The following LAMA5 variants were observed in gnomAD, a reference collection of about 807,000 sequenced individuals.
LAMA5 encodes laminin subunit alpha-5.
LAMA5 carries 260 observed loss-of-function variants against 433.4 expected under a neutral mutation model. That is an observed-to-expected ratio of 0.60 (90% CI 0.54 to 0.66). The LOEUF (loss-of-function observed/expected upper bound fraction) is 0.66. Ranked by LOEUF, LAMA5 falls within the 30% of genes least tolerant of loss-of-function variation. The pLI, the probability that LAMA5 is intolerant of heterozygous loss-of-function variation, is 0.00. For missense variants in LAMA5, 5,378 were observed against 5,258.5 expected (o/e 1.02, Z -0.70); for synonymous variants, 2,620 against 2,226.6 (o/e 1.18, Z -4.97).
In LAMA5 at chr20:62,336,881, G is replaced by C. The variant is rs543942985; in HGVS notation, c.2165-95C>G. ...CCAGCCAGAACCCACGGTCCCACAG[G>C]AGCTGAGGACCAGCACAGGTGCCTC... On this transcript the variant is annotated intron_variant, in intron 16 of 79. Coordinates refer to ENST00000252999, the MANE Select transcript of LAMA5 (RefSeq NM_005560.6). 7.9e-6 allele frequency: 10 copies of C among 1,260,474 alleles called. No individual in the cohort carries two copies. The African/African-American group carries it at 1.5e-4, about 18-fold the overall frequency. 78.1% of individuals were successfully genotyped at this position (1,260,474 alleles called of 1,614,324 possible).
At chr20:62,338,756 G>C (rs1982119389) in intron 11 of LAMA5, 148 bp from the exon 12 acceptor site, 7 of 974,032 alleles carry the variant, frequency 7.2e-6, no homozygotes, top group Non-Finnish European at 1.0e-5. Flanking sequence ...ATCCCAGCAA[G>C]GGCTGGGTGC....
Position 62,327,287 on chromosome 20 carries a change from GGGCACAGCCTCA to G in LAMA5, c.5046_5057del (p.Val1685_Ala1688del), listed in dbSNP as rs1568929971. 1.9e-6 allele frequency: 3 copies of G among 1,573,758 alleles called. No homozygotes were observed. Among genetic ancestry groups the G allele is most frequent in the South Asian group, 2.3e-5 (2 of 85,788 alleles). ...GCCAGTACAGCTCGGGGAAAGCCTC[GGGCACAGCCTCA>G]GGCACGTGCCGCAGGTCTGCACGGA... On this transcript the variant is annotated inframe_deletion, in exon 38 of 80. Transcript: ENST00000252999.
chr20:62,334,997 TG>T, intron 20 of LAMA5, 23 bp downstream of exon 20: 1 of 1,603,398 alleles, frequency 6.2e-7, no homozygotes, highest in Non-Finnish European at 8.5e-7. Context: ...GGCTGTGGTC[TG>T]GGACGAGCGA....
rs1986998351 is a variant in LAMA5, at chr20:62,316,904, T to C, written c.7631A>G (p.Gln2544Arg). The change falls in exon 56 of 80, where the codon CAG (glutamine) becomes CGG (arginine). Residue 2544 changes from glutamine to arginine, a missense_variant. By Grantham distance (43) the Gln-to-Arg change is conservative (BLOSUM62 1). Coordinates refer to ENST00000252999, the MANE Select transcript of LAMA5 (RefSeq NM_005560.6). ...CACCGCCCACGTGTGGTCCGCCTGC[T>C]GCAGGGCCTGGCCAGCAGCATCCTC... Reference protein sequence around the residue: ...AAEDAAGQALQQADHTWATVV... With the variant: ...AAEDAAGQALRQADHTWATVV... The C allele has an allele frequency of 2.6e-6, 4 of 1,540,202 alleles. No homozygotes were observed. The highest frequency in any genetic ancestry group is 2.0e-5 in the Admixed American group (1 of 50,220).
chr20:62,311,329 G>GCAGGGGCCGCCCACA, intron 72 of LAMA5, 22 bp from the exon 73 acceptor site: 1 of 1,536,540 alleles, frequency 6.5e-7, no homozygotes, highest in Non-Finnish European at 8.7e-7. Flanking sequence ...GATGGTGAAT[G>GCAGGGGCCGCCCACA]CAGGGGCCGC....
Position 62,318,574 on chromosome 20 carries a change from C to G in LAMA5, c.7119G>C (p.Arg2373=), listed in dbSNP as rs1274947664. ...NQALATQTRD[R]LAQHEAGLMD... Reference sequence around the variant, plus strand: ...TGAGGCCGGCCTCGTGCTGGGCCAGCCGGTCGCGGGTTTGTGTGGCCAGTG... The same window carrying G: ...TGAGGCCGGCCTCGTGCTGGGCCAGGCGGTCGCGGGTTTGTGTGGCCAGTG... The change falls in exon 53 of 80, where the codon CGG becomes CGC. Residue 2373 remains arginine, a synonymous_variant. Coordinates refer to ENST00000252999, the MANE Select transcript of LAMA5 (RefSeq NM_005560.6). 6.2e-7 allele frequency: 1 copy of G among 1,610,570 alleles called. No homozygotes were observed. Among genetic ancestry groups the G allele is most frequent in the Admixed American group, 1.7e-5 (1 of 59,910 alleles).
rs764207903 is a variant in LAMA5 at position 62,314,990 on chromosome 20, C to A, written c.8047+38G>T. On this transcript the variant is annotated intron_variant, in intron 59 of 79. Coordinates refer to ENST00000252999, the MANE Select transcript of LAMA5 (RefSeq NM_005560.6). The stretch of plus-strand genomic sequence containing the variant: ...TGAGACCTTTGCCCCCCACCGTGCC[C>A]GCCTCCATCAGGGGCACCGCGAGGG... 8 of 1,576,966 alleles carry A rather than the reference C, an allele frequency of 5.1e-6. No homozygotes were observed. In the South Asian group the frequency reaches 8.0e-5, roughly 16 times the overall value.
At chr20:62,312,147 G>A in intron 69 of LAMA5, 26 bp downstream of exon 69, 1 of 1,609,894 alleles carries the variant, frequency 6.2e-7, no homozygotes, top group Non-Finnish European at 8.5e-7. Flanking sequence ...GCGGGGTGGG[G>A]AATGGGCACG....
intron 23 of LAMA5, 85 bp from the exon 24 acceptor site, chr20:62,333,791 G>T: frequency 7.9e-7 from 1 of 1,262,778 alleles, no homozygotes. Context: ...GGGATAGGCT[G>T]GTCCTACCAC....
chr20:62,315,061 G>C lies in LAMA5; in HGVS notation c.8014C>G (p.Leu2672Val), dbSNP rs752011819. 5 of 1,600,150 alleles carry C rather than the reference G, an allele frequency of 3.1e-6. No homozygotes were observed. The highest frequency in any genetic ancestry group is 4.2e-6 in the Non-Finnish European group (5 of 1,178,872). ...CCTGCGTCAAGCACTGCCTGGCCCA[G>C]GTCCTGGCCCCGCAGGCCCTCGTAC... The part of the protein sequence containing the change: ...GQYEGLRGQD[L>V]GQAVLDAGHS... Residue 2672 changes from leucine (L) to valine (V), a missense_variant, in exon 59 of 80, where the codon CTG (leucine) becomes GTG (valine). Coordinates refer to ENST00000252999, the MANE Select transcript of LAMA5 (RefSeq NM_005560.6).
chr20:62,324,663 G>A lies in LAMA5; in HGVS notation c.5530-109C>T. 1.4e-6 allele frequency: 1 copy of A among 721,422 alleles called. No individual in the cohort carries two copies. Among genetic ancestry groups the A allele is most frequent in the Non-Finnish European group, 2.5e-6 (1 of 405,762 alleles). 44.7% of individuals were successfully genotyped at this position (721,422 alleles called of 1,614,324 possible). On this transcript the variant is annotated intron_variant, in intron 41 of 79. Transcript: ENST00000252999. The surrounding 1 kb of genome is among the most constrained non-coding windows in gnomAD (Gnocchi z 4.4). ...GGATCCTGCAGGCACGAGGCACTGG[G>A]AACCCGTGGAGCATGGTCACCGCTG...
At chr20:62,334,975 G>C (rs376881112) in intron 20 of LAMA5, 46 bp downstream of exon 20, 1 of 1,563,068 alleles carries the variant, frequency 6.4e-7, no homozygotes, top group South Asian at 1.1e-5. Context: ...AGCATAAACC[G>C]AGGGGAGGCA....
At chr20:62,335,150 A>C (rs201389739) in intron 19 of LAMA5, 24 bp from the exon 20 acceptor site, 1 of 1,612,634 alleles carries the variant, frequency 6.2e-7, no homozygotes, top group East Asian at 2.2e-5. Flanking sequence ...GAGGAGGTGA[A>C]GTGGGGCAGG....
chr20:62,332,926 TGCAGGAGGCAGGAG>T (rs143316001), intron 26 of LAMA5, among the ~76,000 whole-genome samples, 150 bp downstream of exon 26: 2 of 150,748 alleles, frequency 1.3e-5, no homozygotes, highest in Admixed American at 6.6e-5. Flanking sequence ...AGGTCACACA[TGCAGGAGGCAGGAG>T]GCAGGAGGCA....
chr20:62,345,623 C>CT, intron 11 of LAMA5, 195 bp downstream of exon 11: 1 of 657,250 alleles, frequency 1.5e-6, no homozygotes, highest in Non-Finnish European at 2.7e-6. Context: ...CCTGGGCTAA[C>CT]TTTTTTCTTT....
rs1180112129 is a variant in LAMA5, at chr20:62,326,770, C to T, written c.5215-10G>A. On this transcript the variant is annotated splice_polypyrimidine_tract_variant and intron_variant, in intron 39 of 79. Coordinates refer to ENST00000252999, the MANE Select transcript of LAMA5 (RefSeq NM_005560.6). ...TGCTCATCTGGTTGCCCTGGGAAGG[C>T]ACATGGGGAGGTGAGGGTTGGCACG... is the stretch of plus-strand genomic sequence containing the variant. 1 of 1,612,628 alleles carries T rather than the reference C, an allele frequency of 6.2e-7. No individual in the cohort carries two copies. Among genetic ancestry groups the T allele is most frequent in the Non-Finnish European group, 8.5e-7 (1 of 1,179,710 alleles).
In LAMA5 at chr20:62,325,524, G is replaced by A. The variant is rs139973497; in HGVS notation, c.5321C>T (p.Thr1774Met). Residue 1774 changes from threonine (T) to methionine (M), a missense_variant, in exon 41 of 80, where the codon ACG becomes ATG. Physicochemically the swap from Thr to Met is moderately conservative, Grantham distance 81. Coordinates refer to ENST00000252999, the MANE Select transcript of LAMA5 (RefSeq NM_005560.6). ...CTCCTCGCGGGACACAGTGTTGCGC[G>A]TCTCCGTATGCCGGAAGTTCCCCTG... Reference protein sequence around the residue: ...LVEGNFRHTETRNTVSREELM... With the variant: ...LVEGNFRHTEMRNTVSREELM... 4.3e-5 allele frequency: 69 copies of A among 1,609,558 alleles called. No individual in the cohort carries two copies. In the African/African-American group the frequency reaches 7.3e-4, roughly 17 times the overall value.
chr20:62,364,168 C>T (rs182542436), intron 1 of LAMA5, among the ~76,000 whole-genome samples: 1 of 152,328 alleles, frequency 6.6e-6, no homozygotes, highest in East Asian at 1.9e-4. Flanking sequence ...CGACCCCTAC[C>T]CGCAGGCCGC....
chr20:62,360,668 G>GGGTGGGTGGGTGGAGGGATAGATGGGT (rs1986026137), intron 2 of LAMA5, among the ~76,000 whole-genome samples: 1 of 147,380 alleles, frequency 6.8e-6, no homozygotes, highest in African/African-American at 2.6e-5. Flanking sequence ...ATAGATGGGT[G>GGGTGGGTGGGTGGAGGGATAGATGGGT]GGTGGGTGGA....
Sources: gnomAD v4.1 joint callset for allele counts (sites outside exome capture counted in the v4.1 genomes callset) on GRCh38, gnomAD v4.1.1 for gene constraint, Gnocchi (gnomAD v3.1) non-coding constraint, MANE v1.5 for transcripts, NCBI Gene and HGNC (gene_info 2026-07-23, HGNC 2026-07-21) for gene names.